Variants in UNC13B observed in about 807,000 individuals in gnomAD.
UNC13B encodes protein unc-13 homolog B.
Under a neutral mutation model 211.0 loss-of-function variants are expected in UNC13B, and 144 were observed. The ratio of observed to expected loss-of-function variants is 0.68; its 90% CI spans 0.60 to 0.78. The LOEUF is 0.78. Ranked by LOEUF, UNC13B falls within the 30% of genes least tolerant of loss-of-function variation. The probability of loss-of-function intolerance (pLI) is 0.00; values close to 1 mark genes in which losing one functional copy is unlikely to be tolerated. For synonymous variants in UNC13B, 709 were observed against 725.8 expected (o/e 0.98, Z 0.37); for missense variants, 1,777 against 2,002.0 (o/e 0.89, Z 2.14).
At chr9:35,251,056 G>A (rs1392817192) in intron 6 of UNC13B, among the ~76,000 whole-genome samples, 6 of 134,878 alleles carry the variant, frequency 4.4e-5, no homozygotes, top group African/African-American at 1.4e-4. Context: ...TCCACCTCCC[G>A]GGTTCATGCC....
chr9:35,169,904 G>A (rs969228497), intron 1 of UNC13B, among the ~76,000 whole-genome samples: 2 of 152,162 alleles, frequency 1.3e-5, no homozygotes, highest in Non-Finnish European at 2.9e-5. Flanking sequence ...AGTTTGGGCT[G>A]TGTATCATTA....
intron 24 of UNC13B, among the ~76,000 whole-genome samples, chr9:35,388,564 A>G (rs1835329825): frequency 6.6e-6 from 1 of 152,168 alleles, no homozygotes; most frequent in Non-Finnish European, 1.5e-5. Context: ...GCTGCCCTTC[A>G]CTCTCCTCAT....
At position 35,364,629 on chromosome 9, in the gene UNC13B, C is replaced by A. The variant is rs562031458; in HGVS notation, c.9415-2318C>A. On this transcript the variant is annotated intron_variant, in intron 11 of 39. Transcript: ENST00000635942. ...CTATTTCCCTCCCCTCCTTCCCAAG[C>A]ACTGTATGTGTGTGTGTATGTGTGT... 2.7e-6 allele frequency: 4 copies of A among 1,504,874 alleles called. No homozygotes were observed. The Admixed American group carries it at 7.9e-5, about 30-fold the overall frequency. 93.2% of individuals were successfully genotyped at this position (1,504,874 alleles called of 1,614,324 possible). A position where few individuals can be genotyped will look rare whatever the true frequency, so the allele number is the denominator to read the frequency against.
At position 35,308,129 on chromosome 9, in the gene UNC13B, G is replaced by C; in HGVS notation, c.8725G>C (p.Val2909Leu). The change falls in exon 9 of 40, where the codon GTG (valine) becomes CTG (leucine). Residue 2909 changes from valine to leucine, a missense_variant. Val to Leu is a conservative substitution (Grantham distance 32). Coordinates refer to ENST00000635942, the MANE Select transcript of UNC13B (RefSeq NM_001371189.2). ...GCCCTCTGGGACCTCTGAGCAGCTGGTGGCCAGTCCAGAGGTCTGTGCTCA... is the reference window on the plus strand; with the variant it reads ...GCCCTCTGGGACCTCTGAGCAGCTGCTGGCCAGTCCAGAGGTCTGTGCTCA... ...TQPSGTSEQL[V>L]ASPEVCAQGL... 7.5e-6 allele frequency: 3 copies of C among 399,112 alleles called. No homozygotes were observed. The highest frequency in any genetic ancestry group is 1.3e-5 in the Non-Finnish European group (3 of 226,132). 24.7% of individuals were successfully genotyped at this position (399,112 alleles called of 1,614,324 possible).
intron 7 of UNC13B, among the ~76,000 whole-genome samples, chr9:35,281,299 G>A (rs1414808613): frequency 1.3e-5 from 2 of 150,556 alleles, no homozygotes; most frequent in Middle Eastern, 3.4e-3. Context: ...TCCTGTAATC[G>A]CAGCTACTCG....
chr9:35,310,563 C>T lies in UNC13B; in HGVS notation c.9105C>T (p.Asp3035=), dbSNP rs765979882. 6.2e-7 allele frequency: 1 copy of T among 1,614,082 alleles called. No homozygotes were observed. The highest frequency in any genetic ancestry group is 1.1e-5 in the South Asian group (1 of 91,066). Reference sequence around the variant, plus strand: ...ACCAGTATCACGAACAAGATGACGACCATCGGGAGACGGACTCGATTCATT... The same window carrying T: ...ACCAGTATCACGAACAAGATGACGATCATCGGGAGACGGACTCGATTCATT... ...ELDQYHEQDD[D]HRETDSIHSC... Residue 3035 remains aspartate (D), a synonymous_variant, in exon 10 of 40, where the codon GAC becomes GAT. Coordinates refer to ENST00000635942, the MANE Select transcript of UNC13B (RefSeq NM_001371189.2).
In UNC13B at chr9:35,399,516, G is replaced by A. The variant is rs534121593; in HGVS notation, c.12255+68G>A. ...GAAGTCATGGAGAGAGGGTGGCTGC[G>A]GGGAAGGAAATTGGAGCTTTGGAGA... is the stretch of plus-strand genomic sequence containing the variant. On this transcript the variant is annotated intron_variant, in intron 35 of 39. Transcript: ENST00000635942. The A allele has an allele frequency of 2.4e-5, 38 of 1,610,552 alleles. 1 individual carries two copies. The highest frequency in any genetic ancestry group is 8.9e-5 in the East Asian group (4 of 44,854).
chr9:35,310,039 A>G (rs1830108962), intron 9 of UNC13B, among the ~76,000 whole-genome samples: 1 of 152,232 alleles, frequency 6.6e-6, no homozygotes, highest in Admixed American at 6.5e-5. Flanking sequence ...GTAATAAGTA[A>G]TAGAAAAAGA....
chr9:35,241,041 A>G (rs1825775089), intron 5 of UNC13B, among the ~76,000 whole-genome samples: 4 of 136,844 alleles, frequency 2.9e-5, no homozygotes, highest in Non-Finnish European at 4.7e-5. Context: ...TAGGTGATAG[A>G]GCAAGACTCT....
At chr9:35,229,094 T>C (rs10972388) in intron 2 of UNC13B, among the ~76,000 whole-genome samples, 28,245 of 152,120 alleles carry the variant, frequency 0.19, 2,957 homozygotes, top group Non-Finnish European at 0.24. Flanking sequence ...ACATTTGATA[T>C]GAAACTTTAA....
At chr9:35,298,401 A>G (rs527277411) in intron 8 of UNC13B, among the ~76,000 whole-genome samples, 3 of 152,320 alleles carry the variant, frequency 2.0e-5, no homozygotes, top group African/African-American at 7.2e-5. Context: ...AGCCTGGATG[A>G]CAGAGCAAGA....
rs974633869 is a variant in UNC13B, at chr9:35,307,302, G to C, written c.7898G>C (p.Gly2633Ala). The change falls in exon 9 of 40, where the codon GGG becomes GCG. Residue 2633 changes from glycine (G) to alanine (A), a missense_variant. Transcript: ENST00000635942. Reference sequence around the variant, plus strand: ...TCTCTGAGTGATGAAGGAGACATGGGGATATTGCAAGCTACAGACACGGAG... The same window carrying C: ...TCTCTGAGTGATGAAGGAGACATGGCGATATTGCAAGCTACAGACACGGAG... ...VLSLSDEGDM[G>A]ILQATDTEAS... 11 of 398,968 alleles carry C rather than the reference G, an allele frequency of 2.8e-5. No individual in the cohort carries two copies. Among genetic ancestry groups the C allele is most frequent in the African/African-American group, 2.3e-4 (11 of 48,744 alleles). The allele number at this position is 398,968 out of a possible 1,614,324, so 24.7% of individuals were successfully genotyped here.
At chr9:35,315,589 G>A (rs541186945) in intron 11 of UNC13B, among the ~76,000 whole-genome samples, 1 of 152,194 alleles carries the variant, frequency 6.6e-6, no homozygotes, top group Admixed American at 6.5e-5. Context: ...CTATAAACAA[G>A]GCTACAGTTC....
chr9:35,340,260 T>C (rs1831906725), intron 11 of UNC13B, among the ~76,000 whole-genome samples: 1 of 152,192 alleles, frequency 6.6e-6, no homozygotes, highest in Non-Finnish European at 1.5e-5. Flanking sequence ...TGTGCTCTGC[T>C]GTTAGTGTTG....
intron 11 of UNC13B, among the ~76,000 whole-genome samples, chr9:35,328,426 T>G (rs1478540839): frequency 3.3e-5 from 5 of 152,180 alleles, no homozygotes; most frequent in Admixed American, 3.3e-4. Context: ...TTCTCCTGCT[T>G]CTGTTCTCCA....
In UNC13B at chr9:35,381,012, C is replaced by G. The variant is rs1056984602; in HGVS notation, c.10376-88C>G. 20 of 1,322,994 alleles carry G rather than the reference C, an allele frequency of 1.5e-5. No homozygotes were observed. The African/African-American group carries it at 2.4e-4, about 16-fold the overall frequency. 82.0% of individuals were successfully genotyped at this position (1,322,994 alleles called of 1,614,324 possible). A position where few individuals can be genotyped will look rare whatever the true frequency, so the allele number is the denominator to read the frequency against. ...GCCCCTTCTTTTCCTTGGGTTGGCCCCTTCTCTTCCTTGGGTTAAGCCAGA... is the reference window on the plus strand; with the variant it reads ...GCCCCTTCTTTTCCTTGGGTTGGCCGCTTCTCTTCCTTGGGTTAAGCCAGA... On this transcript the variant is annotated intron_variant, in intron 18 of 39. Transcript: ENST00000635942.
At chr9:35,184,739 C>CAAAA (rs1432386168) in intron 1 of UNC13B, among the ~76,000 whole-genome samples, 1 of 94,494 alleles carries the variant, frequency 1.1e-5, no homozygotes, top group African/African-American at 3.9e-5. Context: ...GAGAGGGAGA[C>CAAAA]GAAAGAAAGA....
intron 11 of UNC13B, among the ~76,000 whole-genome samples, chr9:35,322,961 A>G (rs1050293418): frequency 1.3e-5 from 2 of 151,988 alleles, no homozygotes; most frequent in Non-Finnish European, 2.9e-5. Context: ...AATGTTTTGA[A>G]TAAGTAATAA....
chr9:35,229,718 A>T (rs1416884970), intron 2 of UNC13B, among the ~76,000 whole-genome samples: 1 of 151,952 alleles, frequency 6.6e-6, no homozygotes, highest in African/African-American at 2.4e-5. Context: ...ATGGATGGAG[A>T]TTCCCCTTGT....
Sources: gnomAD v4.1 joint callset for allele counts (sites outside exome capture counted in the v4.1 genomes callset) on GRCh38, gnomAD v4.1.1 for gene constraint, MANE v1.5 for transcripts, NCBI Gene and HGNC (gene_info 2026-07-23, HGNC 2026-07-21) for gene names.